RALGPS1: variants seen among roughly 807,000 people sequenced by gnomAD.
The protein encoded by RALGPS1 is ras-specific guanine nucleotide-releasing factor RalGPS1.
In RALGPS1, 19 loss-of-function variants were observed where a neutral mutation model predicts 78.8. The observed-to-expected ratio is 0.24, with a 90% confidence interval of 0.17 to 0.35. The LOEUF is 0.35. Ranked by LOEUF, RALGPS1 falls within the 10% of genes least tolerant of loss-of-function variation. The probability of loss-of-function intolerance (pLI) is 1.00; values close to 1 mark genes in which losing one functional copy is unlikely to be tolerated. For missense variants in RALGPS1, 454 were observed against 688.3 expected (o/e 0.66, Z 3.81); for synonymous variants, 228 against 256.3 (o/e 0.89, Z 1.06).
intron 3 of RALGPS1, among the ~76,000 whole-genome samples, chr9:126,967,564 T>C (rs1334338657): frequency 2.0e-5 from 3 of 152,000 alleles, no homozygotes; most frequent in African/African-American, 7.2e-5. Flanking sequence ...TGAGACAGCA[T>C]CTCATTCCAT....
Position 127,199,146 on chromosome 9 carries a change from G to A in RALGPS1, c.1247+80G>A, listed in dbSNP as rs1035087548. On this transcript the variant is annotated intron_variant, in intron 14 of 18. Transcript: ENST00000259351. Reference sequence around the variant, plus strand: ...GAGCCGAAGACAGGCCCCGGGCAGGGACGGGCCCTGCCCCACCCACCCCAT... The same window carrying A: ...GAGCCGAAGACAGGCCCCGGGCAGGAACGGGCCCTGCCCCACCCACCCCAT... 2.5e-5 allele frequency: 34 copies of A among 1,370,814 alleles called. 1 individual carries two copies. In the Middle Eastern group the frequency reaches 5.4e-4, roughly 22 times the overall value. The allele number at this position is 1,370,814 out of a possible 1,614,324, so 84.9% of individuals were successfully genotyped here.
chr9:127,116,714 A>G (rs1157830248), intron 8 of RALGPS1, among the ~76,000 whole-genome samples: 1 of 152,228 alleles, frequency 6.6e-6, no homozygotes, highest in Non-Finnish European at 1.5e-5. Context: ...CACCAGGGCC[A>G]CCTTGGCTGT....
intron 8 of RALGPS1, among the ~76,000 whole-genome samples, chr9:127,156,704 T>A (rs2058724217): frequency 6.6e-6 from 1 of 152,166 alleles, no homozygotes; most frequent in South Asian, 2.1e-4. Flanking sequence ...TATGGTGTTT[T>A]ATTTGATCAT....
chr9:127,218,876 C>A lies in RALGPS1; in HGVS notation c.*107C>A. On this transcript the variant is annotated 3_prime_UTR_variant, in exon 19 of 19. Transcript: ENST00000259351. The surrounding 1 kb of genome is among the most constrained non-coding windows in gnomAD (Gnocchi z 4.4). Reference sequence around the variant, plus strand: ...GGCTGTGAGCCAGGGTGCTGGGAAACTCACAGCTGGACTCAGGGGACACGG... The same window carrying A: ...GGCTGTGAGCCAGGGTGCTGGGAAAATCACAGCTGGACTCAGGGGACACGG... 7.6e-7 allele frequency: 1 copy of A among 1,309,142 alleles called. No homozygotes were observed. The highest frequency in any genetic ancestry group is 1.1e-6 in the Non-Finnish European group (1 of 904,602). 81.1% of individuals were successfully genotyped at this position (1,309,142 alleles called of 1,614,324 possible). A position where few individuals can be genotyped will look rare whatever the true frequency, so the allele number is the denominator to read the frequency against.
At chr9:127,003,070 A>G (rs999555453) in intron 4 of RALGPS1, among the ~76,000 whole-genome samples, 1 of 152,154 alleles carries the variant, frequency 6.6e-6, no homozygotes, top group African/African-American at 2.4e-5. Flanking sequence ...CCAACAGTGT[A>G]AAAGTGTTCC....
chr9:127,143,932 C>G (rs2057941696), intron 8 of RALGPS1, among the ~76,000 whole-genome samples: 1 of 152,234 alleles, frequency 6.6e-6, no homozygotes, highest in Non-Finnish European at 1.5e-5. Context: ...TTGCCCTCCC[C>G]TTCCGGGCAC....
At chr9:127,201,929 C>T (rs1375968369) in intron 14 of RALGPS1, among the ~76,000 whole-genome samples, 2 of 152,218 alleles carry the variant, frequency 1.3e-5, no homozygotes, top group African/African-American at 4.8e-5. Context: ...CAGACAGAGG[C>T]CGTGGAGCCA....
chr9:126,963,746 C>A (rs2039155154), intron 2 of RALGPS1, among the ~76,000 whole-genome samples: 2 of 152,320 alleles, frequency 1.3e-5, no homozygotes, highest in South Asian at 4.1e-4. Context: ...GGCTTGGAAT[C>A]ACACAGCTGC....
chr9:127,196,863 C>T (rs1028089991), intron 13 of RALGPS1, among the ~76,000 whole-genome samples: 2 of 152,234 alleles, frequency 1.3e-5, no homozygotes, highest in Admixed American at 6.5e-5. Context: ...TGTCGTCATC[C>T]TGCTGGTGGC....
At chr9:126,990,604 T>A (rs768968578) in intron 4 of RALGPS1, among the ~76,000 whole-genome samples, 1 of 152,258 alleles carries the variant, frequency 6.6e-6, no homozygotes, top group Non-Finnish European at 1.5e-5. Context: ...TTGTGCCCTC[T>A]GCCGGGAATG....
rs779292514 is a variant in RALGPS1 at position 127,108,535 on chromosome 9, G to A, written c.610+39179G>A. On this transcript the variant is annotated intron_variant, in intron 8 of 18. Transcript: ENST00000259351. ...CTTGGAGTTGACGCAGATGGCACCC[G>A]TGACCCGCTGCTGGGGCACAATGAA... The A allele has an allele frequency of 1.4e-5, 22 of 1,613,098 alleles. No individual in the cohort carries two copies. The highest frequency in any genetic ancestry group is 5.0e-5 in the Admixed American group (3 of 59,910).
intron 8 of RALGPS1, among the ~76,000 whole-genome samples, chr9:127,078,884 A>G (rs1045404986): frequency 1.3e-5 from 2 of 152,208 alleles, no homozygotes; most frequent in Non-Finnish European, 2.9e-5. Flanking sequence ...CTGTTTTACT[A>G]TGTGATTGCA....
intron 8 of RALGPS1, among the ~76,000 whole-genome samples, chr9:127,134,009 C>CCG (rs1554839724): frequency 3.3e-5 from 5 of 151,674 alleles, no homozygotes; most frequent in Non-Finnish European, 7.4e-5. Flanking sequence ...TCCTCGCTCC[C>CCG]CCCCCCGTGA....
Position 126,954,143 on chromosome 9 carries a change from C to T in RALGPS1, c.-65-8082C>T, listed in dbSNP as rs1160285712. 3.9e-5 allele frequency among the ~76,000 whole-genome samples: 6 copies of T among 152,232 alleles called. No homozygotes were observed. The East Asian group carries it at 1.2e-3, about 29-fold the overall frequency. On this transcript the variant is annotated intron_variant, in intron 1 of 18. Transcript: ENST00000259351. ...GGCATTGGTCACCCACTTCTTTGTG[C>T]TCCGGTGAACCACCTAGTGGGTGGG... is the stretch of plus-strand genomic sequence containing the variant.
intron 10 of RALGPS1, among the ~76,000 whole-genome samples, chr9:127,171,915 A>G (rs1043513891): frequency 1.3e-5 from 2 of 152,150 alleles, no homozygotes; most frequent in East Asian, 1.9e-4. Flanking sequence ...CCTCCACTTC[A>G]CCAGCTTCCA....
At position 126,941,818 on chromosome 9, in the gene RALGPS1, G is replaced by A. The variant is rs567450249; in HGVS notation, c.-65-20407G>A. Among the ~76,000 whole-genome samples the A allele has an allele frequency of 2.6e-5, 4 of 152,326 alleles. No homozygotes were observed. In the East Asian group the frequency reaches 7.7e-4, roughly 29 times the overall value. On this transcript the variant is annotated intron_variant, in intron 1 of 18. Coordinates refer to ENST00000259351, the MANE Select transcript of RALGPS1 (RefSeq NM_014636.3). ...CCACTTAGTATCCCATTGAATGGAT[G>A]TGTTCTAACTGTCTTTACTGTGGTT...
intron 14 of RALGPS1, among the ~76,000 whole-genome samples, chr9:127,210,136 G>A (rs1343751548): frequency 1.3e-5 from 2 of 152,232 alleles, no homozygotes; most frequent in Admixed American, 1.3e-4. Context: ...GGCCGCCCAC[G>A]GAGCAAGCTT....
intron 11 of RALGPS1, among the ~76,000 whole-genome samples, chr9:127,194,112 G>T (rs1200776523): frequency 1.3e-5 from 2 of 152,202 alleles, no homozygotes; most frequent in Non-Finnish European, 2.9e-5. Context: ...GAAGGACATG[G>T]TAATAATTAC....
chr9:127,075,637 C>G (rs2050608596), intron 8 of RALGPS1, among the ~76,000 whole-genome samples: 1 of 152,252 alleles, frequency 6.6e-6, no homozygotes, highest in Admixed American at 6.5e-5. Flanking sequence ...CACTATAGGT[C>G]TTTTCCCCCT....
Sources: allele counts gnomAD v4.1 joint callset (sites outside exome capture counted in the v4.1 genomes callset), GRCh38; gene constraint gnomAD v4.1.1; non-coding constraint Gnocchi (gnomAD v3.1); transcripts MANE v1.5; gene names NCBI Gene and HGNC (gene_info 2026-07-23, HGNC 2026-07-21).